The following SPTY2D1 variants were observed in gnomAD, a reference collection of about 807,000 sequenced individuals.
SPTY2D1 encodes protein SPT2 homolog.
Under a neutral mutation model 64.0 loss-of-function variants are expected in SPTY2D1, and 21 were observed. The observed-to-expected ratio is 0.33, with a 90% CI of 0.23 to 0.47. The LOEUF (loss-of-function observed/expected upper bound fraction) is 0.47. Ranked by LOEUF, SPTY2D1 falls within the 20% of genes least tolerant of loss-of-function variation. SPTY2D1 has a pLI of 1.00. For synonymous variants in SPTY2D1, 287 were observed against 286.8 expected (o/e 1.00, Z -0.01); for missense variants, 724 against 837.2 (o/e 0.86, Z 1.67).
At chr11:18,624,960 T>C (rs1253129866) in intron 1 of SPTY2D1, among the ~76,000 whole-genome samples, 2 of 152,066 alleles carry the variant, frequency 1.3e-5, no homozygotes, top group Non-Finnish European at 2.9e-5. Flanking sequence ...GATCGCGCCA[T>C]TGCACTCCAG....
At chr11:18,625,529 A>C (rs1223740613) in intron 1 of SPTY2D1, among the ~76,000 whole-genome samples, 2 of 151,822 alleles carry the variant, frequency 1.3e-5, no homozygotes, top group African/African-American at 2.4e-5. Context: ...CTCAGCCCCA[A>C]AATATTCTCA....
In SPTY2D1 at chr11:18,609,795, C is replaced by T; in HGVS notation, c.*66G>A. The T allele has an allele frequency of 6.9e-7, 1 of 1,454,324 alleles. No homozygotes were observed. Among genetic ancestry groups the T allele is most frequent in the South Asian group, 1.2e-5 (1 of 85,220 alleles). 90.1% of individuals were successfully genotyped at this position (1,454,324 alleles called of 1,614,324 possible). A position where few individuals can be genotyped will look rare whatever the true frequency, so the allele number is the denominator to read the frequency against. ...ATCTAAAATGATAAGGGGGCTTCTT[C>T]AGTCTGAAGGCAGGAAATCCTTGCA... is the stretch of plus-strand genomic sequence containing the variant. On this transcript the variant is annotated 3_prime_UTR_variant, in exon 6 of 6. Transcript: ENST00000336349.
rs1047930846 is a variant in SPTY2D1 at position 18,612,948 on chromosome 11, G to C, written c.1712-460C>G. On this transcript the variant is annotated intron_variant, in intron 3 of 5. Transcript: ENST00000336349. This position sits in a 1 kb window ranked among gnomAD's most constrained non-coding sequence, Gnocchi z 4.6. ...CCTGGCTAATTTTGTATTTTTAGTA[G>C]AGATGGGGTTTCTCCACGTTGGTCA... is the stretch of plus-strand genomic sequence containing the variant. Among the ~76,000 whole-genome samples, 4 of 152,098 alleles carry C rather than the reference G, an allele frequency of 2.6e-5. No homozygotes were observed. Among genetic ancestry groups the C allele is most frequent in the African/African-American group, 9.7e-5 (4 of 41,430 alleles).
intron 1 of SPTY2D1, among the ~76,000 whole-genome samples, chr11:18,619,631 C>T (rs550309373): frequency 1.3e-5 from 2 of 152,162 alleles, no homozygotes; most frequent in East Asian, 3.9e-4. Flanking sequence ...GTGGTGCCTG[C>T]CTGTAAGCCC....
chr11:18,616,003 C>T lies in SPTY2D1; in HGVS notation c.271G>A (p.Asp91Asn). 6.2e-7 allele frequency: 1 copy of T among 1,614,190 alleles called. No homozygotes were observed. The highest frequency in any genetic ancestry group is 8.5e-7 in the Non-Finnish European group (1 of 1,180,044). Residue 91 changes from aspartate to asparagine, a missense_variant, in exon 3 of 6, where the codon GAT (aspartate) becomes AAT (asparagine). By Grantham distance (23) the Asp-to-Asn change is conservative (BLOSUM62 1). Coordinates refer to ENST00000336349, the MANE Select transcript of SPTY2D1 (RefSeq NM_194285.3). ...ATCCCATTGTAACCATGGAAATTATCCTTTGTCCTCTTGGCCATAGCTCTT... is the reference window on the plus strand; with the variant it reads ...ATCCCATTGTAACCATGGAAATTATTCTTTGTCCTCTTGGCCATAGCTCTT... ...KARAMAKRTK[D>N]NFHGYNGIPI...
chr11:18,634,172 A>G, intron 1 of SPTY2D1, 26 bp downstream of exon 1: 1 of 1,613,936 alleles, frequency 6.2e-7, no homozygotes, highest in Non-Finnish European at 8.5e-7. Flanking sequence ...AGGGTCCCCT[A>G]CATTGATGCC....
At position 18,616,903 on chromosome 11, in the gene SPTY2D1, T is replaced by C; in HGVS notation, c.147A>G (p.Lys49=). The change falls in exon 2 of 6, where the codon AAA becomes AAG. Residue 49 remains lysine, a synonymous_variant. Coordinates refer to ENST00000336349, the MANE Select transcript of SPTY2D1 (RefSeq NM_194285.3). ...TTCGTCTCAGCTCCTCTTCTTTCCT[T>C]TTAAGAAAAGCTTGTACAGCTGCTG... The part of the protein sequence containing the change: ...VQSAAVQAFL[K]RKEEELRRKA... 1 of 1,614,180 alleles carries C rather than the reference T, an allele frequency of 6.2e-7. No individual in the cohort carries two copies.
chr11:18,632,647 C>A (rs1854607030), intron 1 of SPTY2D1, among the ~76,000 whole-genome samples: 1 of 152,214 alleles, frequency 6.6e-6, no homozygotes, highest in Non-Finnish European at 1.5e-5. Flanking sequence ...TTGCGCCCAT[C>A]TATTAAATTT....
intron 1 of SPTY2D1, among the ~76,000 whole-genome samples, chr11:18,623,338 G>A (rs75617020): frequency 6.6e-6 from 1 of 152,208 alleles, no homozygotes; most frequent in East Asian, 1.9e-4. Flanking sequence ...CTTTAGCAAT[G>A]ACTCCATGTT....
chr11:18,634,278 A>C lies in SPTY2D1; in HGVS notation c.-21T>G, dbSNP rs373214795. The C allele has an allele frequency of 1.9e-6, 3 of 1,613,850 alleles. No homozygotes were observed. The highest frequency in any genetic ancestry group is 2.5e-6 in the Non-Finnish European group (3 of 1,179,874). ...TCCATGTTGGGCCGAGGCGGGAGAG[A>C]CTGGGCCAGGCACTCGGAAAGGACT... is the stretch of plus-strand genomic sequence containing the variant. On this transcript the variant is annotated 5_prime_UTR_variant, in exon 1 of 6. Coordinates refer to ENST00000336349, the MANE Select transcript of SPTY2D1 (RefSeq NM_194285.3).
At chr11:18,611,432 A>C in intron 5 of SPTY2D1, 45 bp downstream of exon 5, 3 of 1,568,780 alleles carry the variant, frequency 1.9e-6, no homozygotes, top group Non-Finnish European at 2.6e-6. Flanking sequence ...GCAGAAAGGA[A>C]TTTTTAGGAC....
intron 5 of SPTY2D1, among the ~76,000 whole-genome samples, chr11:18,610,946 A>G (rs917596695): frequency 2.6e-5 from 4 of 152,348 alleles, no homozygotes; most frequent in African/African-American, 9.6e-5. Context: ...GGCATCTTGT[A>G]CACGTCTTAA....
Position 18,615,706 on chromosome 11 carries a change from T to C in SPTY2D1, c.568A>G (p.Lys190Glu). The change falls in exon 3 of 6, where the codon AAG becomes GAG. Residue 190 changes from lysine (K) to glutamate (E), a missense_variant. Transcript: ENST00000336349. ...GTCATAGGTCGCTCTTCTGATTTCT[T>C]CACTACCTTGATTTCCACTGGTTCA... ...QFEPVEIKVV[K>E]KSEERPMTAE... 6.2e-7 allele frequency: 1 copy of C among 1,614,066 alleles called. No individual in the cohort carries two copies. Among genetic ancestry groups the C allele is most frequent in the Non-Finnish European group, 8.5e-7 (1 of 1,180,014 alleles).
chr11:18,614,673 T>C lies in SPTY2D1; in HGVS notation c.1601A>G (p.Lys534Arg). ...AATTGTTTCGGAGACAACAGTGCAC[T>C]TAGGCTTTATAGTGGGACCTGAGCT... ...VSSSGPTIKP[K>R]CTVVSETISS... The change falls in exon 3 of 6, where the codon AAG becomes AGG. Residue 534 changes from lysine (K) to arginine (R), a missense_variant. Coordinates refer to ENST00000336349, the MANE Select transcript of SPTY2D1 (RefSeq NM_194285.3). 1.2e-6 allele frequency: 2 copies of C among 1,614,256 alleles called. No homozygotes were observed. The highest frequency in any genetic ancestry group is 1.7e-6 in the Non-Finnish European group (2 of 1,180,046).
Position 18,615,686 on chromosome 11 carries a change from A to G in SPTY2D1, c.588T>C (p.Pro196=), listed in dbSNP as rs747193812. 8.1e-6 allele frequency: 13 copies of G among 1,613,950 alleles called. No individual in the cohort carries two copies. The South Asian group carries it at 1.3e-4, about 16-fold the overall frequency. ...GCTCCCTAAGTTCTTCTGCGGTCAT[A>G]GGTCGCTCTTCTGATTTCTTCACTA... ...IKVVKKSEER[P]MTAEELRERE... The change falls in exon 3 of 6, where the codon CCT becomes CCC. Residue 196 remains proline, a synonymous_variant. Transcript: ENST00000336349.
At chr11:18,625,677 T>G (rs1446368074) in intron 1 of SPTY2D1, among the ~76,000 whole-genome samples, 1 of 151,782 alleles carries the variant, frequency 6.6e-6, no homozygotes, top group Non-Finnish European at 1.5e-5. Flanking sequence ...TCTCCCACCT[T>G]AGCTTCCCGA....
intron 1 of SPTY2D1, among the ~76,000 whole-genome samples, chr11:18,625,864 G>C (rs1270299543): frequency 2.1e-5 from 3 of 146,198 alleles, no homozygotes; most frequent in African/African-American, 7.6e-5. Flanking sequence ...TGCCCAGGCT[G>C]GAGTACAGTG....
intron 1 of SPTY2D1, among the ~76,000 whole-genome samples, chr11:18,622,575 T>C (rs2134115233): frequency 6.6e-6 from 1 of 152,166 alleles, no homozygotes; most frequent in South Asian, 2.1e-4. Flanking sequence ...AATTCATCCA[T>C]TTAATGTATA....
At position 18,615,218 on chromosome 11, in the gene SPTY2D1, C is replaced by T; in HGVS notation, c.1056G>A (p.Arg352=). The part of the protein sequence containing the change: ...KKSLSHPSHS[R]PGPMVTPHNK... The stretch of plus-strand genomic sequence containing the variant: ...TGTGTGGGGTGACCATGGGCCCAGG[C>T]CTGGAATGGCTAGGATGGGACAGAG... The change falls in exon 3 of 6, where the codon AGG becomes AGA. Residue 352 remains arginine, a synonymous_variant. Transcript: ENST00000336349. 1 of 1,614,182 alleles carries T rather than the reference C, an allele frequency of 6.2e-7. No homozygotes were observed.
Sources: gnomAD v4.1 joint callset for allele counts (sites outside exome capture counted in the v4.1 genomes callset) on GRCh38, gnomAD v4.1.1 for gene constraint, Gnocchi (gnomAD v3.1) non-coding constraint, MANE v1.5 for transcripts, NCBI Gene and HGNC (gene_info 2026-07-23, HGNC 2026-07-21) for gene names.